The following CACNA1B variants were observed in gnomAD, a reference collection of about 807,000 sequenced individuals.
The protein encoded by CACNA1B is calcium voltage-gated channel subunit alpha1 B, also known as voltage-dependent N-type calcium channel subunit alpha-1B.
CACNA1B carries 70 observed loss-of-function variants against 247.2 expected under a neutral mutation model. The observed-to-expected ratio is 0.28, with a 90% CI of 0.23 to 0.35. The LOEUF (loss-of-function observed/expected upper bound fraction) is 0.35. Among genes scored for constraint, CACNA1B ranks in the 10% least tolerant of loss-of-function variants. The pLI is 1.00. For missense variants in CACNA1B, 2,367 were observed against 3,197.4 expected (o/e 0.74, Z 6.26); for synonymous variants, 1,231 against 1,294.4 (o/e 0.95, Z 1.05).
intron 36 of CACNA1B, among the ~76,000 whole-genome samples, chr9:138,085,301 T>C (rs1180526537): frequency 6.6e-6 from 1 of 150,744 alleles, no homozygotes; most frequent in Non-Finnish European, 1.5e-5. Context: ...AAGAAATCTC[T>C]GAACTTGAAG....
intron 3 of CACNA1B, among the ~76,000 whole-genome samples, chr9:137,907,136 TCA>T (rs1313755701): frequency 6.6e-6 from 1 of 152,222 alleles, no homozygotes; most frequent in Non-Finnish European, 1.5e-5. Flanking sequence ...GTCTGTGTAT[TCA>T]CACACAGATA....
At chr9:138,006,150 G>A (rs953117510) in intron 15 of CACNA1B, among the ~76,000 whole-genome samples, 1 of 152,132 alleles carries the variant, frequency 6.6e-6, no homozygotes, top group South Asian at 2.1e-4. Flanking sequence ...AGTTGGTCAC[G>A]GGGAGGGGGA....
intron 2 of CACNA1B, among the ~76,000 whole-genome samples, chr9:137,879,532 C>T (rs767626723): frequency 2.0e-5 from 3 of 152,236 alleles, no homozygotes; most frequent in Non-Finnish European, 4.4e-5. Flanking sequence ...GCCATGTGTG[C>T]CCTGCTGGGC....
In CACNA1B at chr9:138,025,147, T is replaced by C. The variant is rs1343728803; in HGVS notation, c.3261T>C (p.Pro1087=). The stretch of plus-strand genomic sequence containing the variant: ...ATATCCCAGTGATGCTGACGGGCCC[T>C]CTTGGGGAAGCCACGGTCGTTCCCA... ...IVHIPVMLTG[P]LGEATVVPSG... Residue 1087 remains proline, a synonymous_variant, in exon 20 of 47, where the codon CCT becomes CCC. Coordinates refer to ENST00000371372, the MANE Select transcript of CACNA1B (RefSeq NM_000718.4). The C allele has an allele frequency of 6.2e-7, 1 of 1,612,078 alleles. No individual in the cohort carries two copies.
chr9:138,032,643 G>A (rs1193302925), intron 20 of CACNA1B: 2 of 452,412 alleles, frequency 4.4e-6, no homozygotes, highest in Non-Finnish European at 8.8e-6. Flanking sequence ...TATTTTCAGT[G>A]GGTATAGAAT....
intron 10 of CACNA1B, among the ~76,000 whole-genome samples, chr9:137,964,362 A>G (rs1228864412): frequency 6.6e-6 from 1 of 152,036 alleles, no homozygotes; most frequent in African/African-American, 2.4e-5. Context: ...ACATAATCCC[A>G]TATTTCTCAG....
Position 138,101,004 on chromosome 9 carries a change from C to T in CACNA1B, c.5223-1707C>T, listed in dbSNP as rs1196365468. On this transcript the variant is annotated intron_variant, in intron 37 of 46. Coordinates refer to ENST00000371372, the MANE Select transcript of CACNA1B (RefSeq NM_000718.4). The stretch of plus-strand genomic sequence containing the variant: ...AGTGCACCCCTCACCTCCGCCGCCA[C>T]GCCTGCGCGAGGTCGGTCTTCCCAT... The T allele has an allele frequency of 2.2e-5, 10 of 448,234 alleles. 1 individual carries two copies. The highest frequency in any genetic ancestry group is 1.3e-4 in the South Asian group (8 of 61,084). The allele number at this position is 448,234 out of a possible 1,614,324, so 27.8% of individuals were successfully genotyped here.
At chr9:137,905,352 C>CAA (rs55748127) in intron 3 of CACNA1B, among the ~76,000 whole-genome samples, 8 of 68,612 alleles carry the variant, frequency 1.2e-4, no homozygotes, top group Non-Finnish European at 1.8e-4. Context: ...GACTCTGTCT[C>CAA]AAAAAAAAAA....
rs1962124919 is a variant in CACNA1B, at chr9:138,122,128, C to T, written c.*129C>T. On this transcript the variant is annotated 3_prime_UTR_variant, in exon 47 of 47. Coordinates refer to ENST00000371372, the MANE Select transcript of CACNA1B (RefSeq NM_000718.4). ...CACCTTGGTGAGGCTCCTGTGGCCC[C>T]TCCCTCCCCCTCCTCCCCTCTTTTA... The T allele has an allele frequency of 2.7e-6, 2 of 732,832 alleles. No homozygotes were observed. Among genetic ancestry groups the T allele is most frequent in the Non-Finnish European group, 4.4e-6 (2 of 456,846 alleles). 45.4% of individuals were successfully genotyped at this position (732,832 alleles called of 1,614,324 possible).
intron 36 of CACNA1B, among the ~76,000 whole-genome samples, chr9:138,093,322 G>T (rs1247744432): frequency 1.3e-5 from 2 of 148,428 alleles, no homozygotes; most frequent in Non-Finnish European, 3.0e-5. Context: ...GGAGGCTGAG[G>T]CATGAGAATC....
intron 20 of CACNA1B, among the ~76,000 whole-genome samples, chr9:138,039,967 CAGTTTTGTTACATTAGATCTATTGTGT>C (rs1261822844): frequency 1.3e-5 from 2 of 152,108 alleles, no homozygotes; most frequent in African/African-American, 2.4e-5. Context: ...GGGACAAATG[CAGTTTTGTTACATTAGATCTATTGTGT>C]AGTGGTGACA....
chr9:137,986,734 T>A lies in CACNA1B; in HGVS notation c.1902-48T>A. 1 of 1,513,844 alleles carries A rather than the reference T, an allele frequency of 6.6e-7. No individual in the cohort carries two copies. The highest frequency in any genetic ancestry group is 9.2e-7 in the Non-Finnish European group (1 of 1,089,192). The allele number at this position is 1,513,844 out of a possible 1,614,324, so 93.8% of individuals were successfully genotyped here. On this transcript the variant is annotated intron_variant, in intron 14 of 46. Transcript: ENST00000371372. The surrounding 1 kb of genome is among the most constrained non-coding windows in gnomAD (Gnocchi z 6.0). ...CACGCTGGAGCCTGCAGGCGCTGCCTCGCTGCTGACGGGACTGCCACTTCC... is the reference window on the plus strand; with the variant it reads ...CACGCTGGAGCCTGCAGGCGCTGCCACGCTGCTGACGGGACTGCCACTTCC...
At chr9:138,035,433 T>G (rs944403237) in intron 20 of CACNA1B, among the ~76,000 whole-genome samples, 2 of 152,210 alleles carry the variant, frequency 1.3e-5, no homozygotes, top group African/African-American at 4.8e-5. Context: ...GCCACTGCAC[T>G]TCAGCCTGGG....
intron 6 of CACNA1B, among the ~76,000 whole-genome samples, chr9:137,935,058 A>C (rs1482892299): frequency 6.6e-6 from 1 of 152,248 alleles, no homozygotes; most frequent in East Asian, 1.9e-4. Context: ...GGCAAAGCCC[A>C]ATTTAAGGAA....
At chr9:138,031,633 T>C (rs971827545) in intron 20 of CACNA1B, among the ~76,000 whole-genome samples, 1 of 152,226 alleles carries the variant, frequency 6.6e-6, no homozygotes, top group Non-Finnish European at 1.5e-5. Context: ...TGGATTTATC[T>C]TTGCTCCTTT....
At chr9:137,965,830 G>T (rs573106723) in intron 10 of CACNA1B, among the ~76,000 whole-genome samples, 3 of 152,126 alleles carry the variant, frequency 2.0e-5, no homozygotes, top group African/African-American at 7.2e-5. Flanking sequence ...TGATCCGCCC[G>T]CCTTGGCCTC....
intron 3 of CACNA1B, among the ~76,000 whole-genome samples, chr9:137,912,756 T>A (rs905187885): frequency 6.6e-6 from 1 of 152,164 alleles, no homozygotes; most frequent in Non-Finnish European, 1.5e-5. Flanking sequence ...TCCATCCTGC[T>A]CCTGCTCTCA....
rs1215500557 is a variant in CACNA1B, at chr9:137,987,109, T to TC, written c.1974+258dup. ...CAGCACTGTAGGGAGCAAGTGTAGTTCCCGGGGGGCCCAGCTGGCCTTCAA... is the reference window on the plus strand; with the variant it reads ...CAGCACTGTAGGGAGCAAGTGTAGTTCCCCGGGGGGCCCAGCTGGCCTTCAA... On this transcript the variant is annotated intron_variant, in intron 15 of 46. Coordinates refer to ENST00000371372, the MANE Select transcript of CACNA1B (RefSeq NM_000718.4). Among the ~76,000 whole-genome samples the TC allele has an allele frequency of 4.6e-5, 7 of 152,312 alleles. 1 individual carries two copies. The South Asian group carries it at 1.2e-3, about 27-fold the overall frequency.
intron 12 of CACNA1B, among the ~76,000 whole-genome samples, chr9:137,979,282 G>A (rs904108956): frequency 2.0e-5 from 3 of 152,176 alleles, no homozygotes; most frequent in African/African-American, 7.2e-5. Context: ...TCATTCCACG[G>A]CTTGACTGGC....
Sources: gnomAD v4.1 joint callset for allele counts (sites outside exome capture counted in the v4.1 genomes callset) on GRCh38, gnomAD v4.1.1 for gene constraint, Gnocchi (gnomAD v3.1) non-coding constraint, MANE v1.5 for transcripts, NCBI Gene and HGNC (gene_info 2026-07-23, HGNC 2026-07-21) for gene names.